CNTNAP2: variants seen among roughly 807,000 people sequenced by gnomAD.
CNTNAP2 encodes contactin associated protein 2.
A neutral mutation model predicts 155.2 loss-of-function variants in CNTNAP2; 98 were observed. The observed-to-expected ratio is 0.63, with a 90% CI of 0.54 to 0.75. CNTNAP2 has a LOEUF of 0.75. Ranked by LOEUF, CNTNAP2 falls within the 30% of genes least tolerant of loss-of-function variation. The pLI is 0.00. For missense variants in CNTNAP2, 1,727 were observed against 1,688.1 expected, an observed-to-expected ratio of 1.02 and a Z score of -0.40; for synonymous variants, 651 against 631.2, an observed-to-expected ratio of 1.03 and a Z score of -0.47.
chr7:147,800,282 G>A (rs183013964), intron 13 of CNTNAP2, among the ~76,000 whole-genome samples: 117 of 152,170 alleles, frequency 7.7e-4, no homozygotes, highest in Middle Eastern at 3.4e-3. Context: ...AAAGTTATTT[G>A]TATCAAAGTC....
chr7:146,772,685 G>T (rs560511043), intron 1 of CNTNAP2, among the ~76,000 whole-genome samples: 2 of 151,626 alleles, frequency 1.3e-5, no homozygotes, highest in East Asian at 1.9e-4. Flanking sequence ...AAATAAAAAA[G>T]AAAAAAGAGG....
At position 146,906,461 on chromosome 7, in the gene CNTNAP2, G is replaced by C. The variant is rs573356840; in HGVS notation, c.402+66557G>C. 5.2e-4 allele frequency among the ~76,000 whole-genome samples: 79 copies of C among 151,940 alleles called. 1 individual carries two copies. Among genetic ancestry groups the C allele is most frequent in the Admixed American group, 5.0e-3 (77 of 15,252 alleles). ...AGCACGCAGCTGGAGATCTGAAAAC[G>C]GGCAGACTGCCTCCTCAAGTGGGTC... On this transcript the variant is annotated intron_variant, in intron 3 of 23. Coordinates refer to ENST00000361727, the MANE Select transcript of CNTNAP2 (RefSeq NM_014141.6).
chr7:146,679,773 T>G (rs1202960332), intron 1 of CNTNAP2, among the ~76,000 whole-genome samples: 1 of 152,194 alleles, frequency 6.6e-6, no homozygotes, highest in Non-Finnish European at 1.5e-5. Flanking sequence ...TCTTTTCTCT[T>G]TTGCCTGTAT....
At chr7:147,972,369 G>A (rs1208644250) in intron 14 of CNTNAP2, among the ~76,000 whole-genome samples, 1 of 152,114 alleles carries the variant, frequency 6.6e-6, no homozygotes, top group Admixed American at 6.5e-5. Flanking sequence ...CATAATATTT[G>A]GTAGAAGAGC....
chr7:146,562,238 G>C (rs894440795), intron 1 of CNTNAP2, among the ~76,000 whole-genome samples: 6 of 151,902 alleles, frequency 3.9e-5, no homozygotes, highest in Admixed American at 6.6e-5. Flanking sequence ...TAATAGATTT[G>C]TTTTAGATAT....
chr7:146,949,933 A>T (rs1797274698), intron 3 of CNTNAP2, among the ~76,000 whole-genome samples: 1 of 152,128 alleles, frequency 6.6e-6, no homozygotes, highest in Non-Finnish European at 1.5e-5. Flanking sequence ...TCACTTGAGG[A>T]AAACAATGAC....
intron 1 of CNTNAP2, among the ~76,000 whole-genome samples, chr7:146,608,994 A>G (rs1056971825): frequency 6.6e-6 from 1 of 152,188 alleles, no homozygotes; most frequent in South Asian, 2.1e-4. Flanking sequence ...AAATCCAGCC[A>G]TACTAAATAA....
chr7:147,102,070 CA>C (rs1205437277), intron 4 of CNTNAP2, among the ~76,000 whole-genome samples: 1 of 151,964 alleles, frequency 6.6e-6, no homozygotes, highest in African/African-American at 2.4e-5. Flanking sequence ...ATACAATAGG[CA>C]ACATGTGAGG....
At chr7:148,039,866 A>C (rs182086071) in intron 15 of CNTNAP2, among the ~76,000 whole-genome samples, 1 of 152,292 alleles carries the variant, frequency 6.6e-6, no homozygotes, top group Admixed American at 6.5e-5. Flanking sequence ...GTTTTTCCTC[A>C]CAAACCAATT....
At chr7:146,936,354 T>C (rs1796913765) in intron 3 of CNTNAP2, among the ~76,000 whole-genome samples, 1 of 152,200 alleles carries the variant, frequency 6.6e-6, no homozygotes, top group African/African-American at 2.4e-5. Context: ...GTTTTTCTCC[T>C]GCAAACAGGA....
At chr7:146,770,148 A>G (rs928744719) in intron 1 of CNTNAP2, among the ~76,000 whole-genome samples, 1 of 152,038 alleles carries the variant, frequency 6.6e-6, no homozygotes, top group Admixed American at 6.6e-5. Context: ...ATTGAATTTT[A>G]AACCATTTTT....
intron 14 of CNTNAP2, among the ~76,000 whole-genome samples, chr7:147,925,150 AG>A (rs1255171925): frequency 7.8e-5 from 6 of 76,454 alleles, no homozygotes; most frequent in East Asian, 6.8e-4. Context: ...AGAGAGAGAG[AG>A]AGAGAAGGAA....
intron 1 of CNTNAP2, among the ~76,000 whole-genome samples, chr7:146,591,420 A>AT (rs371416394): frequency 3.3e-5 from 5 of 151,702 alleles, no homozygotes; most frequent in South Asian, 2.1e-4. Context: ...ATAATAATTG[A>AT]GAAATGTAAA....
chr7:148,246,043 A>G (rs1018098071), intron 20 of CNTNAP2, among the ~76,000 whole-genome samples: 1 of 152,206 alleles, frequency 6.6e-6, no homozygotes, highest in Non-Finnish European at 1.5e-5. Context: ...TGGTCGTTAA[A>G]TGGAACTTTC....
chr7:148,137,671 A>AGGAAGGAAGGAAGGAAGGAAGGAAGGAT (rs1429752618), intron 16 of CNTNAP2, among the ~76,000 whole-genome samples: 431 of 34,146 alleles, frequency 0.013, 9 homozygotes, highest in African/African-American at 0.05. Context: ...CAGAAAAAAA[A>AGGAAGGAAGGAAGGAAGGAAGGAAGGAT]GGAAGGAAGG....
intron 18 of CNTNAP2, among the ~76,000 whole-genome samples, chr7:148,172,962 T>C (rs1794852574): frequency 6.6e-6 from 1 of 152,182 alleles, no homozygotes; most frequent in Admixed American, 6.5e-5. Flanking sequence ...CTCTGGTCAG[T>C]CATTAACATC....
At chr7:147,427,972 A>C (rs905833100) in intron 10 of CNTNAP2, among the ~76,000 whole-genome samples, 9 of 152,198 alleles carry the variant, frequency 5.9e-5, no homozygotes, top group Non-Finnish European at 1.3e-4. Context: ...CAAATTTTTA[A>C]ATTTTAGGTT....
chr7:146,297,037 C>A (rs1265341398), intron 1 of CNTNAP2, among the ~76,000 whole-genome samples: 1 of 151,582 alleles, frequency 6.6e-6, no homozygotes, highest in African/African-American at 2.4e-5. Flanking sequence ...AACAATATTT[C>A]TTTAATATTA....
chr7:147,683,470 G>A lies in CNTNAP2; in HGVS notation c.2098+44164G>A, dbSNP rs116788227. On this transcript the variant is annotated intron_variant, in intron 13 of 23. Transcript: ENST00000361727. ...GAAAATATATAATATCACCAAGCCC[G>A]CCATATTAGACCACTTTTACCTTAT... Among the ~76,000 whole-genome samples the A allele has an allele frequency of 1.6e-3, 250 of 151,734 alleles. 2 individuals are homozygous for A. The highest frequency in any genetic ancestry group is 4.6e-3 in the African/African-American group (192 of 41,470).
Sources: allele counts gnomAD v4.1 joint callset (sites outside exome capture counted in the v4.1 genomes callset), GRCh38; gene constraint gnomAD v4.1.1; transcripts MANE v1.5; gene names NCBI Gene and HGNC (gene_info 2026-07-23, HGNC 2026-07-21).